The following BMPR2 variants were observed in gnomAD, a reference collection of about 807,000 sequenced individuals.
BMPR2 encodes the protein bone morphogenetic protein receptor type 2, also known as bone morphogenetic protein receptor type-2.
Under a neutral mutation model 100.8 loss-of-function variants are expected in BMPR2, and 29 were observed. The observed-to-expected ratio is 0.29, with a 90% CI of 0.21 to 0.39. The LOEUF (loss-of-function observed/expected upper bound fraction) is 0.39, where lower values mean the gene tolerates loss of function less well. Among genes scored for constraint, BMPR2 ranks in the 10% least tolerant of loss-of-function variants. The probability of loss-of-function intolerance (pLI) is 1.00; values close to 1 mark genes in which losing one functional copy is unlikely to be tolerated. For missense variants in BMPR2, 1,011 were observed against 1,274.5 expected (o/e 0.79, Z 3.15); for synonymous variants, 382 against 442.3 (o/e 0.86, Z 1.71).
At chr2:202,448,980 G>T (rs1345887764) in intron 1 of BMPR2, among the ~76,000 whole-genome samples, 1 of 149,050 alleles carries the variant, frequency 6.7e-6, no homozygotes, top group South Asian at 2.1e-4. Flanking sequence ...GTTTTAATCA[G>T]CTTTTGCTTG....
At chr2:202,514,431 C>T (rs1574486337) in intron 4 of BMPR2, among the ~76,000 whole-genome samples, 1 of 152,116 alleles carries the variant, frequency 6.6e-6, no homozygotes, top group African/African-American at 2.4e-5. Context: ...CCACTGCGTC[C>T]GGCCAATACA....
chr2:202,473,096 T>C (rs1692468952), intron 3 of BMPR2, among the ~76,000 whole-genome samples: 1 of 152,192 alleles, frequency 6.6e-6, no homozygotes, highest in Admixed American at 6.5e-5. Flanking sequence ...GAACTTTTGC[T>C]CATGGCCATA....
At chr2:202,479,550 C>G (rs993916231) in intron 3 of BMPR2, among the ~76,000 whole-genome samples, 2 of 152,090 alleles carry the variant, frequency 1.3e-5, no homozygotes, top group Non-Finnish European at 2.9e-5. Flanking sequence ...CCCACACATG[C>G]ATAGCCTCCC....
rs753499293 is a variant in BMPR2 at position 202,465,010 on chromosome 2, TG to T, written c.247+32del. The stretch of plus-strand genomic sequence containing the variant: ...TGATACTTTCCTTACCTGAAATGAC[TG>T]TGTTTTATACAATTGATATTTATCT... On this transcript the variant is annotated intron_variant, in intron 2 of 12. Transcript: ENST00000374580. The T allele has an allele frequency of 2.9e-5, 47 of 1,609,854 alleles. No homozygotes were observed. In the Admixed American group the frequency reaches 7.8e-4, roughly 27 times the overall value.
At chr2:202,535,939 C>T (rs942936674) in intron 9 of BMPR2, among the ~76,000 whole-genome samples, 299 of 151,696 alleles carry the variant, frequency 2.0e-3, no homozygotes, top group African/African-American at 6.6e-3. Flanking sequence ...TCAGGCGTGG[C>T]GGCGCGTGCC....
chr2:202,509,303 T>A (rs933709573), intron 3 of BMPR2, among the ~76,000 whole-genome samples: 1 of 152,072 alleles, frequency 6.6e-6, no homozygotes, highest in African/African-American at 2.4e-5. Context: ...ATAAAAAGCT[T>A]TTGTTGCTTA....
chr2:202,418,200 C>G (rs560660659), intron 1 of BMPR2, among the ~76,000 whole-genome samples: 17 of 152,164 alleles, frequency 1.1e-4, no homozygotes, highest in Non-Finnish European at 2.5e-4. Flanking sequence ...TATTTCTTAT[C>G]TAATCTTTCT....
chr2:202,523,367 A>G (rs942681799), intron 7 of BMPR2, among the ~76,000 whole-genome samples: 2 of 152,188 alleles, frequency 1.3e-5, no homozygotes, highest in Non-Finnish European at 2.9e-5. Flanking sequence ...TGACCCAGCA[A>G]TCCTATTACT....
At chr2:202,537,282 A>G (rs1400569698) in intron 9 of BMPR2, among the ~76,000 whole-genome samples, 1 of 152,212 alleles carries the variant, frequency 6.6e-6, no homozygotes, top group Non-Finnish European at 1.5e-5. Context: ...TTTTAGAAGC[A>G]TGTCTGACTG....
chr2:202,423,584 T>C (rs780708519), intron 1 of BMPR2, among the ~76,000 whole-genome samples: 4 of 151,158 alleles, frequency 2.6e-5, no homozygotes, highest in Non-Finnish European at 5.9e-5. Context: ...GACCCTTTTC[T>C]GTCTCTACAA....
chr2:202,529,240 G>T (rs1198388043), intron 7 of BMPR2, among the ~76,000 whole-genome samples: 1 of 152,160 alleles, frequency 6.6e-6, no homozygotes, highest in Non-Finnish European at 1.5e-5. Context: ...TTTTTGGTCA[G>T]GTTTTAAAAA....
chr2:202,516,079 GA>G (rs977707056), intron 5 of BMPR2, among the ~76,000 whole-genome samples: 1 of 151,970 alleles, frequency 6.6e-6, no homozygotes, highest in Non-Finnish European at 1.5e-5. Context: ...CTTTTATATA[GA>G]ATTTAAGTTT....
chr2:202,482,141 T>C (rs1692673140), intron 3 of BMPR2, among the ~76,000 whole-genome samples: 1 of 152,230 alleles, frequency 6.6e-6, no homozygotes, highest in South Asian at 2.1e-4. Flanking sequence ...TCATCCATCT[T>C]GTAGCATGTG....
chr2:202,380,679 A>G (rs1236130010), intron 1 of BMPR2, among the ~76,000 whole-genome samples: 2 of 149,210 alleles, frequency 1.3e-5, no homozygotes, highest in African/African-American at 2.5e-5. Context: ...CTGGAGTGCA[A>G]TGGTGTGATC....
At chr2:202,491,952 G>T (rs148205811) in intron 3 of BMPR2, among the ~76,000 whole-genome samples, 11 of 152,254 alleles carry the variant, frequency 7.2e-5, no homozygotes, top group East Asian at 5.8e-4. Context: ...AGGAAAAGTA[G>T]CTACATTTGT....
chr2:202,426,323 G>A (rs1453508552), intron 1 of BMPR2, among the ~76,000 whole-genome samples: 1 of 152,152 alleles, frequency 6.6e-6, no homozygotes, highest in Non-Finnish European at 1.5e-5. Flanking sequence ...GCTCACGCCT[G>A]TAATCCCAGC....
chr2:202,553,845 C>A (rs1465212521), intron 11 of BMPR2, among the ~76,000 whole-genome samples: 1 of 152,106 alleles, frequency 6.6e-6, no homozygotes, highest in Non-Finnish European at 1.5e-5. Context: ...CGAGCCACCA[C>A]GCCCAGCTAA....
chr2:202,466,982 T>G (rs1216387856), intron 2 of BMPR2: 1 of 162,840 alleles, frequency 6.1e-6, no homozygotes, highest in Non-Finnish European at 1.3e-5. Context: ...TTCGATTAGC[T>G]GGGTGCAGTG....
At chr2:202,393,224 A>G (rs966927750) in intron 1 of BMPR2, among the ~76,000 whole-genome samples, 3 of 152,198 alleles carry the variant, frequency 2.0e-5, no homozygotes, top group Non-Finnish European at 2.9e-5. Flanking sequence ...ACAGGATGTG[A>G]TACACTTAAG....
Sources: allele counts gnomAD v4.1 joint callset (sites outside exome capture counted in the v4.1 genomes callset), GRCh38; gene constraint gnomAD v4.1.1; transcripts MANE v1.5; gene names NCBI Gene and HGNC (gene_info 2026-07-23, HGNC 2026-07-21).